Variants in GGACT observed in about 807,000 individuals in gnomAD.
GGACT encodes the protein gamma-glutamylamine cyclotransferase.
For missense variants in GGACT, 241 were observed against 233.2 expected (o/e 1.03, Z -0.22); for synonymous variants, 118 against 115.3 (o/e 1.02, Z -0.15).
At chr13:100,543,676 C>T (rs1468157532) in intron 2 of GGACT, among the ~76,000 whole-genome samples, 1 of 152,146 alleles carries the variant, frequency 6.6e-6, no homozygotes, top group Non-Finnish European at 1.5e-5. Context: ...ATGCATACTG[C>T]CAGTTGGCAA....
At chr13:100,566,960 G>A (rs867391344) in intron 2 of GGACT, among the ~76,000 whole-genome samples, 28 of 152,196 alleles carry the variant, frequency 1.8e-4, no homozygotes, top group South Asian at 6.2e-4. Context: ...TGGCATTCAC[G>A]ATCCTTTAAA....
intron 2 of GGACT, among the ~76,000 whole-genome samples, chr13:100,556,993 G>T (rs1301207385): frequency 6.6e-6 from 1 of 152,044 alleles, no homozygotes; most frequent in African/African-American, 2.4e-5. Flanking sequence ...AGGTTCAAGC[G>T]ATTCTCATGC....
intron 1 of GGACT, chr13:100,586,814 C>T (rs9513767): frequency 0.91 from 139,012 of 152,200 alleles, 64,322 homozygotes; most frequent in Non-Finnish European, 0.99. Context: ...TCTGTAAATC[C>T]ATTTAAGGGG....
chr13:100,577,093 G>A (rs1875268930), intron 2 of GGACT, among the ~76,000 whole-genome samples: 1 of 152,154 alleles, frequency 6.6e-6, no homozygotes, highest in Non-Finnish European at 1.5e-5. Context: ...TAAAAATTCT[G>A]ACTTGAATAA....
intron 2 of GGACT, among the ~76,000 whole-genome samples, chr13:100,555,893 G>A (rs536841228): frequency 2.5e-4 from 38 of 152,274 alleles, no homozygotes; most frequent in South Asian, 4.1e-4. Flanking sequence ...ACCACATGAC[G>A]ATCTCAATAA....
At chr13:100,566,874 G>A (rs955877555) in intron 2 of GGACT, among the ~76,000 whole-genome samples, 4 of 152,174 alleles carry the variant, frequency 2.6e-5, no homozygotes, top group African/African-American at 9.7e-5. Flanking sequence ...CAGCAAAAGG[G>A]CCCAGTGCAC....
Position 100,569,192 on chromosome 13 carries a change from T to C in GGACT, c.-11+14633A>G, listed in dbSNP as rs192823335. Among the ~76,000 whole-genome samples the C allele has an allele frequency of 1.1e-4, 16 of 152,344 alleles. 1 individual carries two copies. The East Asian group carries it at 3.1e-3, about 29-fold the overall frequency. On this transcript the variant is annotated intron_variant, in intron 2 of 2. Coordinates refer to ENST00000683975, the MANE Select transcript of GGACT (RefSeq NM_001195087.2). ...ACAGCTCTACTAGGCAGTGCCCCAGTGGGGACTCTGTGTGGGGGCTTCAAC... is the reference window on the plus strand; with the variant it reads ...ACAGCTCTACTAGGCAGTGCCCCAGCGGGGACTCTGTGTGGGGGCTTCAAC...
At chr13:100,573,840 T>C (rs762990557) in intron 2 of GGACT, among the ~76,000 whole-genome samples, 1 of 143,926 alleles carries the variant, frequency 6.9e-6, no homozygotes, top group African/African-American at 2.6e-5. Context: ...AAAACCACAA[T>C]GAGATACCAT....
intron 2 of GGACT, among the ~76,000 whole-genome samples, chr13:100,550,299 TAC>T (rs755235689): frequency 0.034 from 925 of 27,116 alleles, 41 homozygotes; most frequent in East Asian, 0.076. Flanking sequence ...GATTATACTC[TAC>T]ACACACACAC....
intron 2 of GGACT, among the ~76,000 whole-genome samples, chr13:100,544,932 G>A (rs1594185952): frequency 6.6e-6 from 1 of 152,248 alleles, no homozygotes; most frequent in African/African-American, 2.4e-5. Context: ...ACCGGCCAGG[G>A]CCATGGCCCC....
At chr13:100,547,226 G>A (rs1045093905) in intron 2 of GGACT, among the ~76,000 whole-genome samples, 4 of 152,134 alleles carry the variant, frequency 2.6e-5, no homozygotes, top group East Asian at 1.9e-4. Context: ...GTAGCCAGGC[G>A]GGATGTAATC....
intron 2 of GGACT, among the ~76,000 whole-genome samples, chr13:100,566,252 G>T (rs1223089060): frequency 4.6e-5 from 7 of 152,222 alleles, no homozygotes; most frequent in East Asian, 1.9e-4. Context: ...ACTAATTTTG[G>T]GGGTGATTTG....
intron 2 of GGACT, among the ~76,000 whole-genome samples, chr13:100,573,004 A>C (rs1447124661): frequency 1.3e-5 from 2 of 152,204 alleles, no homozygotes; most frequent in East Asian, 1.9e-4. Context: ...TAGGGTATTA[A>C]GGCTGGAAAA....
rs532549120 is a variant in GGACT, at chr13:100,577,543, C to A, written c.-11+6282G>T. 3.2e-4 allele frequency among the ~76,000 whole-genome samples: 48 copies of A among 151,836 alleles called. No homozygotes were observed. The East Asian group carries it at 3.7e-3, about 12-fold the overall frequency. Reference sequence around the variant, plus strand: ...GACAGAATTATATTTATGTAAAAAACCCTCAAAATTCATAATAAAATATTT... The same window carrying A: ...GACAGAATTATATTTATGTAAAAAAACCTCAAAATTCATAATAAAATATTT... On this transcript the variant is annotated intron_variant, in intron 2 of 2. Coordinates refer to ENST00000683975, the MANE Select transcript of GGACT (RefSeq NM_001195087.2).
At chr13:100,566,570 C>A (rs1427294310) in intron 2 of GGACT, among the ~76,000 whole-genome samples, 1 of 152,246 alleles carries the variant, frequency 6.6e-6, no homozygotes, top group Non-Finnish European at 1.5e-5. Context: ...TGCCGAGGTC[C>A]CCTTTACCAG....
intron 2 of GGACT, chr13:100,540,045 A>C: frequency 1.5e-6 from 2 of 1,290,714 alleles, no homozygotes; most frequent in South Asian, 2.4e-5. Flanking sequence ...GTAGCTTCAC[A>C]TACAGCTTGG....
At chr13:100,560,775 C>A (rs1017164393) in intron 2 of GGACT, among the ~76,000 whole-genome samples, 2 of 152,224 alleles carry the variant, frequency 1.3e-5, no homozygotes, top group African/African-American at 4.8e-5. Context: ...TGACTCTTGG[C>A]CAAGGTTTTT....
intron 2 of GGACT, among the ~76,000 whole-genome samples, chr13:100,564,113 AAG>A (rs1169723732): frequency 6.6e-6 from 1 of 152,218 alleles, no homozygotes; most frequent in African/African-American, 2.4e-5. Flanking sequence ...GGTCCCTCGC[AAG>A]AGAGTTGGAT....
intron 2 of GGACT, among the ~76,000 whole-genome samples, chr13:100,551,434 T>G (rs954095610): frequency 6.6e-6 from 1 of 152,184 alleles, no homozygotes; most frequent in Non-Finnish European, 1.5e-5. Flanking sequence ...GCCACTAGCC[T>G]CTTCCCACCT....
Sources: gnomAD v4.1 joint callset for allele counts (sites outside exome capture counted in the v4.1 genomes callset) on GRCh38, gnomAD v4.1.1 for gene constraint, MANE v1.5 for transcripts, NCBI Gene and HGNC (gene_info 2026-07-23, HGNC 2026-07-21) for gene names.